The following NFXL1 variants were observed in gnomAD, a reference collection of about 807,000 sequenced individuals.
NFXL1 encodes NF-X1-type zinc finger protein NFXL1.
A neutral mutation model predicts 123.3 loss-of-function variants in NFXL1; 66 were observed. That is an observed-to-expected ratio of 0.54 (90% CI 0.44 to 0.66). NFXL1 has a LOEUF of 0.66. Ranked by LOEUF, NFXL1 falls within the 30% of genes least tolerant of loss-of-function variation. NFXL1 has a pLI of 0.00. For synonymous variants in NFXL1, 346 were observed against 360.8 expected, an observed-to-expected ratio of 0.96 and a Z score of 0.46; for missense variants, 944 against 1,125.6, an observed-to-expected ratio of 0.84 and a Z score of 2.31.
In NFXL1 at chr4:47,898,039, G is replaced by C. The variant is rs1737189971; in HGVS notation, c.1132C>G (p.Gln378Glu). The C allele has an allele frequency of 1.2e-6, 2 of 1,612,376 alleles. No individual in the cohort carries two copies. Among genetic ancestry groups the C allele is most frequent in the East Asian group, 4.5e-5 (2 of 44,804 alleles). The change falls in exon 9 of 23, where the codon CAA becomes GAA. Residue 378 changes from glutamine (Q) to glutamate (E), a missense_variant. Gln to Glu is a conservative substitution (Grantham distance 29). Coordinates refer to ENST00000507489, the MANE Select transcript of NFXL1 (RefSeq NM_001278624.2). ...CCACAAGCACCAACATGGCAAACTT[G>C]CTCACATGTGTGATTACCACATGGC... ...TLPCGNHTCEQVCHVGACGEC... is the reference protein window; with the variant it reads ...TLPCGNHTCEEVCHVGACGEC...
chr4:47,907,355 TATTAAG>T (rs1280147885), intron 3 of NFXL1, among the ~76,000 whole-genome samples: 2 of 152,236 alleles, frequency 1.3e-5, no homozygotes, highest in African/African-American at 4.8e-5. Flanking sequence ...ACTGTAGTGC[TATTAAG>T]ATTAAGAAAA....
intron 10 of NFXL1, 54 bp from the exon 11 acceptor site, chr4:47,894,356 T>C (rs1736953238): frequency 2.2e-6 from 3 of 1,350,242 alleles, no homozygotes; most frequent in Non-Finnish European, 3.0e-6. Context: ...TATTTTTTCC[T>C]CACATTGCAA....
intron 6 of NFXL1, 120 bp from the exon 7 acceptor site, chr4:47,899,240 A>G (rs771027901): frequency 1.2e-4 from 153 of 1,294,980 alleles, no homozygotes; most frequent in Non-Finnish European, 1.5e-4. Context: ...ACTTTACAAA[A>G]GGCAATAACT....
chr4:47,864,981 G>A (rs904685511), intron 18 of NFXL1, among the ~76,000 whole-genome samples: 2 of 152,196 alleles, frequency 1.3e-5, no homozygotes, highest in African/African-American at 4.8e-5. Flanking sequence ...AGTGTCTGAA[G>A]GGAAGGCAGT....
chr4:47,848,917 T>C (rs1733965148), intron 22 of NFXL1, among the ~76,000 whole-genome samples: 1 of 151,878 alleles, frequency 6.6e-6, no homozygotes, highest in Non-Finnish European at 1.5e-5. Context: ...ATAAATAAAA[T>C]AAAACGTCTT....
rs1736607694 is a variant in NFXL1 at position 47,888,856 on chromosome 4, G to A, written c.1543+1757C>T. 2.0e-5 allele frequency among the ~76,000 whole-genome samples: 3 copies of A among 152,160 alleles called. No homozygotes were observed. The South Asian group carries it at 6.2e-4, about 31-fold the overall frequency. On this transcript the variant is annotated intron_variant, in intron 12 of 22. Coordinates refer to ENST00000507489, the MANE Select transcript of NFXL1 (RefSeq NM_001278624.2). ...TAGGTTTTTGAGTCTATAAACTGATGTAAAAAATGAAGTTACTTATGAGAC... is the reference window on the plus strand; with the variant it reads ...TAGGTTTTTGAGTCTATAAACTGATATAAAAAATGAAGTTACTTATGAGAC...
intron 4 of NFXL1, 97 bp from the exon 5 acceptor site, chr4:47,903,420 C>T (rs1365731574): frequency 1.4e-6 from 1 of 734,384 alleles, no homozygotes; most frequent in Non-Finnish European, 2.0e-6. Context: ...TTTTCAAGAG[C>T]TACCTAAGGA....
Position 47,897,963 on chromosome 4 carries a change from T to C in NFXL1, c.1204+4A>G. 1 of 1,545,644 alleles carries C rather than the reference T, an allele frequency of 6.5e-7. No homozygotes were observed. The highest frequency in any genetic ancestry group is 1.9e-5 in the Admixed American group (1 of 51,900). On this transcript the variant is annotated splice_donor_region_variant and intron_variant, in intron 9 of 22. Coordinates refer to ENST00000507489, the MANE Select transcript of NFXL1 (RefSeq NM_001278624.2). ...ATATAAATATAAAAAAAAACAAGTC[T>C]TACTTGATTTCTGACATGGACAGAA...
At chr4:47,856,044 C>CA (rs1226507484) in intron 19 of NFXL1, among the ~76,000 whole-genome samples, 3 of 151,926 alleles carry the variant, frequency 2.0e-5, no homozygotes, top group Admixed American at 6.6e-5. Flanking sequence ...TGAAATTTTG[C>CA]AAAAAAACAA....
At chr4:47,859,851 AAAAAAAAAAAAAAAAAAAAC>A (rs1490681539) in intron 19 of NFXL1, among the ~76,000 whole-genome samples, 7 of 133,388 alleles carry the variant, frequency 5.2e-5, no homozygotes, top group Admixed American at 3.8e-4. Context: ...CAAAAAAAAA[AAAAAAAAAAAAAAAAAAAAC>A]AAACAAACAA....
chr4:47,871,168 G>A (rs1735403253), intron 18 of NFXL1, among the ~76,000 whole-genome samples: 1 of 152,070 alleles, frequency 6.6e-6, no homozygotes, highest in African/African-American at 2.4e-5. Context: ...GGCTAACATG[G>A]TGAAACCCTG....
intron 19 of NFXL1, among the ~76,000 whole-genome samples, chr4:47,858,000 T>C (rs1734507551): frequency 6.6e-6 from 1 of 152,130 alleles, no homozygotes; most frequent in African/African-American, 2.4e-5. Context: ...CTCCTTTTTT[T>C]CCCATAAGTA....
rs531987839 is a variant in NFXL1 at position 47,909,296 on chromosome 4, C to G, written c.406+1528G>C. ...AGTGTCAATGTTCTTAACTGCTGTACAATGCTGCTTTTTCCCCATAAACAG... is the reference window on the plus strand; with the variant it reads ...AGTGTCAATGTTCTTAACTGCTGTAGAATGCTGCTTTTTCCCCATAAACAG... On this transcript the variant is annotated intron_variant, in intron 3 of 22. Transcript: ENST00000507489. Among the ~76,000 whole-genome samples the G allele has an allele frequency of 2.6e-5, 4 of 152,308 alleles. No homozygotes were observed. In the East Asian group the frequency reaches 7.7e-4, roughly 29 times the overall value.
At chr4:47,896,062 C>T (rs912189181) in intron 10 of NFXL1, among the ~76,000 whole-genome samples, 1 of 152,136 alleles carries the variant, frequency 6.6e-6, no homozygotes, top group Non-Finnish European at 1.5e-5. Context: ...AACACACGCA[C>T]AACATTTAAC....
At chr4:47,876,967 A>G (rs992632987) in intron 17 of NFXL1, 4 of 665,920 alleles carry the variant, frequency 6.0e-6, no homozygotes, top group Non-Finnish European at 9.1e-6. Context: ...CTGAGCAAAT[A>G]TTAGGCAGTG....
Position 47,914,447 on chromosome 4 carries a change from G to T in NFXL1, c.-85C>A, listed in dbSNP as rs1221875749. 2.2e-6 allele frequency: 1 copy of T among 452,660 alleles called. No individual in the cohort carries two copies. Among genetic ancestry groups the T allele is most frequent in the African/African-American group, 2.0e-5 (1 of 50,528 alleles). 28.0% of individuals were successfully genotyped at this position (452,660 alleles called of 1,614,324 possible). A position where few individuals can be genotyped will look rare whatever the true frequency, so the allele number is the denominator to read the frequency against. On this transcript the variant is annotated 5_prime_UTR_variant, in exon 1 of 23. Transcript: ENST00000507489. ...GGACTAGGTACAGAAATAAACCGCG[G>T]AGCAAGAAGCACACAGTGCCGAAGA...
Position 47,914,408 on chromosome 4 carries a change from G to A in NFXL1, c.-46C>T, listed in dbSNP as rs1052463991. 1 of 533,146 alleles carries A rather than the reference G, an allele frequency of 1.9e-6. No individual in the cohort carries two copies. Among genetic ancestry groups the A allele is most frequent in the Non-Finnish European group, 3.3e-6 (1 of 299,100 alleles). The allele number at this position is 533,146 out of a possible 1,614,324, so 33.0% of individuals were successfully genotyped here. On this transcript the variant is annotated 5_prime_UTR_variant, in exon 1 of 23. Coordinates refer to ENST00000507489, the MANE Select transcript of NFXL1 (RefSeq NM_001278624.2). ...CAAGCCCGGGCTTTGGAGATGGACC[G>A]AAGAGGGGAGGGAGGACTAGGTACA...
intron 11 of NFXL1, among the ~76,000 whole-genome samples, chr4:47,893,348 C>T (rs533131561): frequency 6.6e-6 from 1 of 151,884 alleles, no homozygotes; most frequent in East Asian, 1.9e-4. Flanking sequence ...CTAAGCAGCT[C>T]GATGAAAACT....
At chr4:47,894,445 G>C in intron 10 of NFXL1, 143 bp from the exon 11 acceptor site, 1 of 480,776 alleles carries the variant, frequency 2.1e-6, no homozygotes, top group Non-Finnish European at 3.5e-6. Context: ...AAACCAATTT[G>C]AATTTCCTAA....
Sources: gnomAD v4.1 joint callset for allele counts (sites outside exome capture counted in the v4.1 genomes callset) on GRCh38, gnomAD v4.1.1 for gene constraint, MANE v1.5 for transcripts, NCBI Gene and HGNC (gene_info 2026-07-23, HGNC 2026-07-21) for gene names.